The following ZNF146 variants were observed in gnomAD, a reference collection of about 807,000 sequenced individuals.
ZNF146 encodes the protein zinc finger protein 146.
A neutral mutation model predicts 22.2 loss-of-function variants in ZNF146; 9 were observed. The ratio of observed to expected loss-of-function variants is 0.41; its 90% CI spans 0.24 to 0.71. ZNF146 has a LOEUF of 0.71. ZNF146 is among the 30% of genes least tolerant of loss of function. The pLI is 0.34. For synonymous variants in ZNF146, 108 were observed against 119.2 expected (o/e 0.91, Z 0.61); for missense variants, 194 against 344.8 (o/e 0.56, Z 3.46).
chr19:36,225,503 CT>C (rs1246879476), intron 2 of ZNF146, among the ~76,000 whole-genome samples: 1 of 151,604 alleles, frequency 6.6e-6, no homozygotes, highest in Non-Finnish European at 1.5e-5. Context: ...CTTTGTGATT[CT>C]TACTTTTTTT....
In ZNF146 at chr19:36,237,310, TACTC is replaced by T; in HGVS notation, c.874_877del (p.His292LysfsTer34). On this transcript the variant is annotated frameshift_variant, in exon 4 of 4. Coordinates refer to ENST00000443387, the MANE Select transcript of ZNF146 (RefSeq NM_007145.3). LOFTEE classifies it high-confidence loss of function. Reference sequence around the variant, plus strand: ...ACCACATTAGACACCAGAAAATTCATACTCACTAAAAACCCCATGAAAGCCTTGA... The same window carrying T: ...ACCACATTAGACACCAGAAAATTCATACTAAAAACCCCATGAAAGCCTTGA... The T allele has an allele frequency of 6.2e-7, 1 of 1,602,724 alleles. No individual in the cohort carries two copies. Among genetic ancestry groups the T allele is most frequent in the Non-Finnish European group, 8.5e-7 (1 of 1,174,368 alleles).
chr19:36,223,326 G>T (rs1055590047), intron 2 of ZNF146, among the ~76,000 whole-genome samples: 1 of 149,510 alleles, frequency 6.7e-6, no homozygotes, highest in Non-Finnish European at 1.5e-5. Context: ...CTGGGCAACA[G>T]AGTGAGACTC....
chr19:36,233,477 G>A (rs535933289), intron 3 of ZNF146, among the ~76,000 whole-genome samples: 15 of 152,190 alleles, frequency 9.9e-5, no homozygotes, highest in Admixed American at 5.9e-4. Context: ...GGGGACCGGC[G>A]TTAGGGAGGA....
Position 36,236,885 on chromosome 19 carries a change from A to G in ZNF146, c.445A>G (p.Ile149Val), listed in dbSNP as rs1438899897. The G allele has an allele frequency of 6.2e-7, 1 of 1,614,156 alleles. No homozygotes were observed. ...GKSNLTEHEKIHIGEKPFKCS... is the reference protein window; with the variant it reads ...GKSNLTEHEKVHIGEKPFKCS... ...ATCCAACCTTACTGAGCATGAGAAA[A>G]TCCATATTGGAGAGAAGCCTTTTAA... Residue 149 changes from isoleucine to valine, a missense_variant, in exon 4 of 4, where the codon ATC (isoleucine) becomes GTC (valine). This residue lies in a region of ZNF146 where 147 missense variants were observed against 300.1 expected (regional missense o/e 0.49). Coordinates refer to ENST00000443387, the MANE Select transcript of ZNF146 (RefSeq NM_007145.3).
At chr19:36,221,602 T>C (rs1310467814) in intron 2 of ZNF146, among the ~76,000 whole-genome samples, 1 of 152,182 alleles carries the variant, frequency 6.6e-6, no homozygotes. Flanking sequence ...CACTACTTTT[T>C]AAAAAATGAA....
rs776137773 is a variant in ZNF146 at position 36,237,202 on chromosome 19, C to T, written c.762C>T (p.Thr254=). 1 of 1,614,096 alleles carries T rather than the reference C, an allele frequency of 6.2e-7. No homozygotes were observed. The highest frequency in any genetic ancestry group is 8.5e-7 in the Non-Finnish European group (1 of 1,180,004). The change falls in exon 4 of 4, where the codon ACC becomes ACT. Residue 254 remains threonine, a synonymous_variant. Transcript: ENST00000443387. ...GGAAAGCTTTCTCTCAGTTCTCAAC[C>T]CTTGCTCTGCATTTGAGAATACACA... ...ECGKAFSQFS[T]LALHLRIHTG... is the part of the protein sequence containing the mutation.
At chr19:36,215,867 T>C (rs1043404361) in intron 1 of ZNF146, among the ~76,000 whole-genome samples, 1 of 152,204 alleles carries the variant, frequency 6.6e-6, no homozygotes, top group Non-Finnish European at 1.5e-5. Context: ...GGCACAGTTA[T>C]CCTCATTTTT....
intron 2 of ZNF146, among the ~76,000 whole-genome samples, chr19:36,225,435 T>C (rs1276956540): frequency 2.0e-5 from 3 of 152,206 alleles, no homozygotes; most frequent in African/African-American, 7.2e-5. Flanking sequence ...ATAGCTTTGC[T>C]TCCTTCTTAA....
Position 36,236,548 on chromosome 19 carries a change from T to G in ZNF146, c.108T>G (p.His36Gln), listed in dbSNP as rs765472613. Residue 36 changes from histidine to glutamine, a missense_variant, in exon 4 of 4, where the codon CAT becomes CAG. Around this residue, in one of 2 missense-constraint regions of ZNF146, gnomAD observed 47 missense variants for 44.7 expected, o/e 1.05. Coordinates refer to ENST00000443387, the MANE Select transcript of ZNF146 (RefSeq NM_007145.3). ...AATCAAACCTCACTGAGCATGAGCA[T>G]TTTCACACGAGAGAGAAACCTTTTG... ...SHKSNLTEHE[H>Q]FHTREKPFEC... 4 of 1,613,970 alleles carry G rather than the reference T, an allele frequency of 2.5e-6. No homozygotes were observed. Among genetic ancestry groups the G allele is most frequent in the Non-Finnish European group, 2.5e-6 (3 of 1,180,016 alleles).
At chr19:36,233,959 G>T (rs1257838604) in intron 3 of ZNF146, among the ~76,000 whole-genome samples, 2 of 150,204 alleles carry the variant, frequency 1.3e-5, no homozygotes, top group Non-Finnish European at 2.9e-5. Flanking sequence ...TTCCCGCGGG[G>T]CCATATTTCA....
At chr19:36,217,182 C>T (rs1976647972) in intron 1 of ZNF146, among the ~76,000 whole-genome samples, 1 of 98,492 alleles carries the variant, frequency 1.0e-5, no homozygotes, top group African/African-American at 4.3e-5. Context: ...CTTGGCTCAG[C>T]CTCCCGAGTA....
chr19:36,219,060 G>A lies in ZNF146; in HGVS notation c.-855+865G>A, dbSNP rs533484165. ...CCTGACCTCGTGATCCGCCCACCTC[G>A]GCCTCCCAAAGTGCTGGGATTACAG... is the stretch of plus-strand genomic sequence containing the variant. On this transcript the variant is annotated intron_variant, in intron 2 of 3. Transcript: ENST00000443387. Among the ~76,000 whole-genome samples the A allele has an allele frequency of 6.6e-4, 97 of 146,982 alleles. 1 individual carries two copies. In the East Asian group the frequency reaches 0.019, roughly 29 times the overall value.
intron 3 of ZNF146, among the ~76,000 whole-genome samples, chr19:36,233,739 C>T: frequency 6.6e-6 from 1 of 152,194 alleles, no homozygotes. Context: ...GCCAGCATGT[C>T]CCACCTCCAG....
At chr19:36,227,906 ATCCCAGCACT>A (rs1173883964) in intron 2 of ZNF146, among the ~76,000 whole-genome samples, 2 of 152,122 alleles carry the variant, frequency 1.3e-5, no homozygotes, top group Non-Finnish European at 2.9e-5. Flanking sequence ...TACATCTGTA[ATCCCAGCACT>A]TTGGGAGGCT....
intron 2 of ZNF146, among the ~76,000 whole-genome samples, chr19:36,221,415 A>G (rs1393893803): frequency 6.7e-6 from 1 of 149,574 alleles, no homozygotes; most frequent in Non-Finnish European, 1.5e-5. Flanking sequence ...CAGCCTCCCG[A>G]GTAGCTGGGA....
At chr19:36,227,445 G>A (rs574320572) in intron 2 of ZNF146, among the ~76,000 whole-genome samples, 11 of 151,450 alleles carry the variant, frequency 7.3e-5, no homozygotes, top group East Asian at 5.8e-4. Context: ...CTATTCATAG[G>A]CATGATCATG....
intron 1 of ZNF146, among the ~76,000 whole-genome samples, chr19:36,217,055 CTT>C (rs752632008): frequency 0.2 from 12,746 of 64,370 alleles, 482 homozygotes; most frequent in Middle Eastern, 0.25. Context: ...CAGTCCCTGT[CTT>C]TTTTTTTTTT....
intron 2 of ZNF146, among the ~76,000 whole-genome samples, chr19:36,224,801 G>T (rs1343454550): frequency 6.6e-6 from 1 of 152,040 alleles, no homozygotes; most frequent in Non-Finnish European, 1.5e-5. Context: ...TACGTGATAC[G>T]TATTCTCGTT....
At chr19:36,223,497 G>A (rs1389979682) in intron 2 of ZNF146, among the ~76,000 whole-genome samples, 3 of 151,894 alleles carry the variant, frequency 2.0e-5, no homozygotes, top group Non-Finnish European at 4.4e-5. Context: ...CAAGTAGCTG[G>A]GACTACAGGC....
Sources: allele counts gnomAD v4.1 joint callset (sites outside exome capture counted in the v4.1 genomes callset), GRCh38; gene constraint gnomAD v4.1.1; regional missense constraint gnomAD v4.1.1; transcripts MANE v1.5; gene names NCBI Gene and HGNC (gene_info 2026-07-23, HGNC 2026-07-21).